GSTA1: variants seen among roughly 807,000 people sequenced by gnomAD.
The protein encoded by GSTA1 is glutathione S-transferase alpha 1.
Under a neutral mutation model 21.5 loss-of-function variants are expected in GSTA1, and 23 were observed. That is an observed-to-expected ratio of 1.07 (90% CI 0.77 to 1.52). The LOEUF is 1.52. Among genes scored for constraint, GSTA1 ranks in the 40% most tolerant of loss-of-function variants. GSTA1 has a pLI of 0.00. For synonymous variants in GSTA1, 125 were observed against 90.0 expected (o/e 1.39, Z -2.20); for missense variants, 301 against 264.2 (o/e 1.14, Z -0.96).
At chr6:52,799,361 T>G (rs1763660014) in intron 1 of GSTA1, 64 bp from the exon 2 acceptor site, 1 of 1,151,884 alleles carries the variant, frequency 8.7e-7, no homozygotes, top group Admixed American at 2.3e-5. Context: ...CTTTAGGATA[T>G]GTAGTTGAAA....
rs761277855 is a variant in GSTA1, at chr6:52,799,199, C to T, written c.69G>A (p.Leu23=). The T allele has an allele frequency of 4.3e-6, 7 of 1,613,888 alleles. No individual in the cohort carries two copies. Among genetic ancestry groups the T allele is most frequent in the Non-Finnish European group, 5.9e-6 (7 of 1,179,866 alleles). Residue 23 remains leucine (L), a synonymous_variant, in exon 2 of 7, where the codon CTG becomes CTA. Coordinates refer to ENST00000334575, the MANE Select transcript of GSTA1 (RefSeq NM_145740.5). ...RGRMESTRWL[L]AAAGVEFEEK... is the part of the protein sequence containing the mutation. ...AACCTACCTCTACTCCAGCTGCAGC[C>T]AGGAGCCACCGGGTGGACTCCATTC... is the stretch of plus-strand genomic sequence containing the variant.
At chr6:52,796,774 C>T (rs1450523055) in intron 3 of GSTA1, among the ~76,000 whole-genome samples, 1 of 151,348 alleles carries the variant, frequency 6.6e-6, no homozygotes, top group East Asian at 1.9e-4. Context: ...AATTCCTGAA[C>T]TGAAATGATC....
Position 52,799,170 on chromosome 6 carries a change from T to C in GSTA1, c.87+11A>G, listed in dbSNP as rs1239375354. ...TAAATCCAACTTAAGATGACCTAAC[T>C]CAGAACCTACCTCTACTCCAGCTGC... On this transcript the variant is annotated intron_variant, in intron 2 of 6. Coordinates refer to ENST00000334575, the MANE Select transcript of GSTA1 (RefSeq NM_145740.5). The C allele has an allele frequency of 6.2e-7, 1 of 1,612,532 alleles. No individual in the cohort carries two copies.
intron 5 of GSTA1, among the ~76,000 whole-genome samples, chr6:52,793,482 C>T (rs1329547422): frequency 1.3e-5 from 2 of 152,114 alleles, no homozygotes; most frequent in African/African-American, 2.4e-5. Context: ...GCTCTATCTC[C>T]CTGGGATCTG....
intron 3 of GSTA1, among the ~76,000 whole-genome samples, 157 bp from the exon 4 acceptor site, chr6:52,796,471 ATATATATATATATATATATGTGTGTG>A (rs1359887238): frequency 0.076 from 847 of 11,136 alleles, 16 homozygotes; most frequent in South Asian, 0.19. Context: ...ATATATATAT[ATATATATATATATATATATGTGTGTG>A]TGTGTGTGTG....
intron 1 of GSTA1, among the ~76,000 whole-genome samples, chr6:52,803,149 C>G (rs1257457221): frequency 6.6e-6 from 1 of 152,064 alleles, no homozygotes; most frequent in Non-Finnish European, 1.5e-5. Flanking sequence ...TAGAAACATC[C>G]TAGAGTGAGC....
At chr6:52,796,377 C>G (rs1031907132) in intron 3 of GSTA1, 63 bp from the exon 4 acceptor site, 52 of 1,600,828 alleles carry the variant, frequency 3.2e-5, no homozygotes, top group Non-Finnish European at 4.3e-5. Flanking sequence ...TTGGGATGAA[C>G]AAATGGTTGT....
chr6:52,792,787 C>T (rs1763488277), intron 6 of GSTA1, 69 bp downstream of exon 6: 1 of 1,612,090 alleles, frequency 6.2e-7, no homozygotes, highest in Non-Finnish European at 8.5e-7. Context: ...TGGTCAGTCG[C>T]AGGGCCCAGA....
chr6:52,796,729 A>G (rs1170720193), intron 3 of GSTA1, among the ~76,000 whole-genome samples: 3 of 150,366 alleles, frequency 2.0e-5, no homozygotes, highest in Non-Finnish European at 3.0e-5. Context: ...TTTTACAAGC[A>G]ATAGGGTCTC....
chr6:52,802,480 A>T (rs1049129914), intron 1 of GSTA1, among the ~76,000 whole-genome samples: 1 of 152,214 alleles, frequency 6.6e-6, no homozygotes, highest in Admixed American at 6.5e-5. Context: ...TGTACAAAAA[A>T]TTCATAGTAG....
At position 52,791,986 on chromosome 6, in the gene GSTA1, A is replaced by G. The variant is rs754047022; in HGVS notation, c.547-6T>C. 1.9e-6 allele frequency: 3 copies of G among 1,613,876 alleles called. No homozygotes were observed. The highest frequency in any genetic ancestry group is 2.5e-6 in the Non-Finnish European group (3 of 1,179,840). On this transcript the variant is annotated splice_region_variant and splice_polypyrimidine_tract_variant and intron_variant, in intron 6 of 6. Coordinates refer to ENST00000334575, the MANE Select transcript of GSTA1 (RefSeq NM_145740.5). ...CTGATTCTGGTTTTCAGGGCCTGTA[A>G]TTCATAAAGCACAGCCTCAGAGTGA...
chr6:52,792,060 C>T, intron 6 of GSTA1, 80 bp from the exon 7 acceptor site: 1 of 1,587,636 alleles, frequency 6.3e-7, no homozygotes. Flanking sequence ...ATCTGAGCCC[C>T]TCCTGCAAAG....
chr6:52,796,548 T>A (rs1263307876), intron 3 of GSTA1, among the ~76,000 whole-genome samples: 3,568 of 107,558 alleles, frequency 0.033, 429 homozygotes, highest in African/African-American at 0.1. Context: ...TATATATTTT[T>A]TTTTTTTTTT....
chr6:52,798,117 G>C (rs1262108451), intron 2 of GSTA1, among the ~76,000 whole-genome samples: 1 of 152,232 alleles, frequency 6.6e-6, no homozygotes, highest in Non-Finnish European at 1.5e-5. Context: ...CCTGCTAAGT[G>C]TGAAATAGGT....
intron 6 of GSTA1, among the ~76,000 whole-genome samples, chr6:52,792,229 C>G (rs1313335976): frequency 6.6e-6 from 1 of 152,124 alleles, no homozygotes; most frequent in African/African-American, 2.4e-5. Context: ...TCCTTACACA[C>G]TAATCCTATA....
Position 52,792,961 on chromosome 6 carries a change from GT to G in GSTA1, c.440del (p.Tyr147SerfsTer7), listed in dbSNP as rs771928718. On this transcript the variant is annotated frameshift_variant, in exon 6 of 7. Transcript: ENST00000334575. LOFTEE classifies it high-confidence loss of function. The part of the protein sequence containing the change: ...EKVLKSHGQD[Y>X]LVGNKLSRAD... ...CCCGGCTCAGCTTGTTGCCAACAAGGTAGTCTTGTCCATGGCTCTTTAAGAC... is the reference window on the plus strand; with the variant it reads ...CCCGGCTCAGCTTGTTGCCAACAAGGAGTCTTGTCCATGGCTCTTTAAGAC... 59 of 1,613,976 alleles carry G rather than the reference GT, an allele frequency of 3.7e-5. No homozygotes were observed. The highest frequency in any genetic ancestry group is 4.3e-5 in the Non-Finnish European group (51 of 1,179,988).
chr6:52,792,921 C>T lies in GSTA1; in HGVS notation c.481G>A (p.Val161Met). 1 of 1,614,056 alleles carries T rather than the reference C, an allele frequency of 6.2e-7. No individual in the cohort carries two copies. Among genetic ancestry groups the T allele is most frequent in the Admixed American group, 1.7e-5 (1 of 60,010 alleles). The change falls in exon 6 of 7, where the codon GTG (valine) becomes ATG (methionine). Residue 161 changes from valine (V) to methionine (M), a missense_variant. Coordinates refer to ENST00000334575, the MANE Select transcript of GSTA1 (RefSeq NM_145740.5). ...TCCTCGACGTAGTAGAGAAGTTCCACCAGATGAATGTCAGCCCGGCTCAGC... is the reference window on the plus strand; with the variant it reads ...TCCTCGACGTAGTAGAGAAGTTCCATCAGATGAATGTCAGCCCGGCTCAGC... ...NKLSRADIHL[V>M]ELLYYVEELD...
chr6:52,803,013 C>T (rs1763751588), intron 1 of GSTA1, among the ~76,000 whole-genome samples: 1 of 152,124 alleles, frequency 6.6e-6, no homozygotes, highest in Admixed American at 6.5e-5. Context: ...CCATGGTTCT[C>T]AACCAGGGGG....
chr6:52,794,160 T>C lies in GSTA1; in HGVS notation c.379A>G (p.Lys127Glu). The C allele has an allele frequency of 6.2e-7, 1 of 1,614,054 alleles. No individual in the cohort carries two copies. Among genetic ancestry groups the C allele is most frequent in the Non-Finnish European group, 8.5e-7 (1 of 1,179,944 alleles). The change falls in exon 5 of 7, where the codon AAA becomes GAA. Residue 127 changes from lysine to glutamate, a missense_variant. By Grantham distance (56) the Lys-to-Glu change is moderately conservative (BLOSUM62 1). Transcript: ENST00000334575. ...KDAKLALIKE[K>E]IKNRYFPAFE... ...GCAGGGAAGTAGCGATTTTTTATTT[T>C]CTCTTTGATCAAGGCAAGCTTGGCA...
Sources: allele counts gnomAD v4.1 joint callset (sites outside exome capture counted in the v4.1 genomes callset), GRCh38; gene constraint gnomAD v4.1.1; transcripts MANE v1.5; gene names NCBI Gene and HGNC (gene_info 2026-07-23, HGNC 2026-07-21).